The following EDA variants were observed in gnomAD, a reference collection of about 807,000 sequenced individuals.
EDA encodes the protein ectodysplasin-A.
Under a neutral mutation model 23.6 loss-of-function variants are expected in EDA, and 2 were observed. The ratio of observed to expected loss-of-function variants is 0.08; its 90% CI spans 0.03 to 0.27. The LOEUF (loss-of-function observed/expected upper bound fraction) is 0.27. EDA is among the 10% of genes least tolerant of loss of function. The pLI is 1.00. For synonymous variants in EDA, 131 were observed against 132.0 expected (o/e 0.99, Z 0.05); for missense variants, 229 against 324.2 (o/e 0.71, Z 2.26).
intron 1 of EDA, among the ~76,000 whole-genome samples, chrX:69,783,726 A>G (rs1395579598): frequency 9.0e-6 from 1 of 111,051 alleles, no homozygotes; most frequent in African/African-American, 3.3e-5. Flanking sequence ...TTTGTTTGCT[A>G]TTGTGAATAA....
intron 1 of EDA, among the ~76,000 whole-genome samples, chrX:69,829,641 A>G (rs1258136520): frequency 1.8e-5 from 2 of 112,087 alleles, no homozygotes; most frequent in Non-Finnish European, 3.8e-5. Context: ...TGATAGGATC[A>G]GAAATGGAAT....
intron 1 of EDA, among the ~76,000 whole-genome samples, chrX:69,799,454 AATCTGACAATG>A (rs1569336533): frequency 2.7e-5 from 3 of 111,013 alleles, no homozygotes; most frequent in Admixed American, 1.9e-4. Context: ...ATCCATTGTC[AATCTGACAATG>A]GATTAATAAC....
intron 1 of EDA, among the ~76,000 whole-genome samples, chrX:69,771,425 G>C (rs760616926): frequency 4.5e-5 from 5 of 111,241 alleles, no homozygotes; most frequent in African/African-American, 1.3e-4. Context: ...AAACAAACTA[G>C]ATGCAAAAGG....
intron 1 of EDA, among the ~76,000 whole-genome samples, chrX:69,663,157 G>A (rs1933566327): frequency 1.8e-5 from 2 of 112,166 alleles, no homozygotes; most frequent in African/African-American, 6.5e-5. Context: ...TAAGTAATGA[G>A]GAGCCAAATG....
intron 1 of EDA, among the ~76,000 whole-genome samples, chrX:69,794,117 G>T (rs1470899761): frequency 9.0e-6 from 1 of 111,150 alleles, no homozygotes; most frequent in East Asian, 2.8e-4. Flanking sequence ...AGAAGAGAGG[G>T]AGGTGACTAA....
At chrX:69,769,801 T>G (rs919009764) in intron 1 of EDA, among the ~76,000 whole-genome samples, 1 of 111,231 alleles carries the variant, frequency 9.0e-6, no homozygotes, top group African/African-American at 3.3e-5. Context: ...GATGTCATTT[T>G]ATTTTTTCCT....
chrX:69,852,629 G>A (rs2017161345), intron 1 of EDA, among the ~76,000 whole-genome samples: 2 of 111,398 alleles, frequency 1.8e-5, no homozygotes, highest in Admixed American at 1.9e-4. Flanking sequence ...AGAAAGGTGG[G>A]AGGTCAGATT....
At chrX:69,966,974 GTA>G (rs944298975) in intron 2 of EDA, among the ~76,000 whole-genome samples, 26 of 106,227 alleles carry the variant, frequency 2.4e-4, no homozygotes, top group African/African-American at 2.0e-4. Flanking sequence ...GTGTGTGTGT[GTA>G]TATATATATA....
intron 1 of EDA, among the ~76,000 whole-genome samples, chrX:69,916,559 C>A (rs867862337): frequency 9.2e-6 from 1 of 108,781 alleles, no homozygotes; most frequent in Non-Finnish European, 1.9e-5. Context: ...CCCGCCACCA[C>A]GCCCGGCTAA....
rs924692287 is a variant in EDA at position 70,020,376 on chromosome X, T to C, written c.503-2842T>C. ...ATAGAGACCATCCTGGCTAACACAGTGAAACCCCATCTCTACTAAAAAAAT... is the reference window on the plus strand; with the variant it reads ...ATAGAGACCATCCTGGCTAACACAGCGAAACCCCATCTCTACTAAAAAAAT... On this transcript the variant is annotated intron_variant, in intron 2 of 7. Coordinates refer to ENST00000374552, the MANE Select transcript of EDA (RefSeq NM_001399.5). 3.6e-5 allele frequency among the ~76,000 whole-genome samples: 4 copies of C among 110,882 alleles called. No individual in the cohort carries two copies. The Admixed American group carries it at 3.8e-4, about 11-fold the overall frequency.
intron 1 of EDA, among the ~76,000 whole-genome samples, chrX:69,786,265 A>T (rs2015169103): frequency 1.8e-5 from 2 of 110,570 alleles, no homozygotes; most frequent in South Asian, 3.9e-4. Flanking sequence ...TAAGTTTTTG[A>T]AGGGTTTTTT....
At chrX:69,855,753 C>T (rs190302535) in intron 1 of EDA, among the ~76,000 whole-genome samples, 1 of 111,682 alleles carries the variant, frequency 9.0e-6, no homozygotes, top group Non-Finnish European at 1.9e-5. Context: ...TAGCATGTTA[C>T]CTGCAGCTTT....
In EDA at chrX:69,786,205, C is replaced by T. The variant is rs762442725; in HGVS notation, c.396+169501C>T. Among the ~76,000 whole-genome samples the T allele has an allele frequency of 9.7e-4, 108 of 111,049 alleles. 1 individual carries two copies. Among genetic ancestry groups the T allele is most frequent in the African/African-American group, 3.0e-3 (93 of 30,535 alleles). ...TTTTTTTCTTTATTAGTCTTGCTAGCGGTCTATCAATTTTGTTGATCCTTT... is the reference window on the plus strand; with the variant it reads ...TTTTTTTCTTTATTAGTCTTGCTAGTGGTCTATCAATTTTGTTGATCCTTT... On this transcript the variant is annotated intron_variant, in intron 1 of 7. Transcript: ENST00000374552.
intron 1 of EDA, among the ~76,000 whole-genome samples, chrX:69,878,488 A>G (rs934817808): frequency 8.9e-6 from 1 of 112,361 alleles, no homozygotes; most frequent in Admixed American, 9.4e-5. Context: ...CTCATCCGCT[A>G]AAACACAATT....
At chrX:69,689,984 TTA>T (rs1382242877) in intron 1 of EDA, among the ~76,000 whole-genome samples, 2 of 111,828 alleles carry the variant, frequency 1.8e-5, no homozygotes, top group African/African-American at 3.2e-5. Context: ...AAAAATAGAA[TTA>T]GAGCTAATTT....
chrX:69,718,821 G>A (rs932900788), intron 1 of EDA, among the ~76,000 whole-genome samples: 2 of 111,511 alleles, frequency 1.8e-5, no homozygotes, highest in African/African-American at 6.5e-5. Context: ...TATAAAATGA[G>A]TTAGGAAGTA....
At chrX:69,682,682 G>A (rs766904951) in intron 1 of EDA, among the ~76,000 whole-genome samples, 2 of 111,394 alleles carry the variant, frequency 1.8e-5, no homozygotes, top group South Asian at 3.8e-4. Flanking sequence ...GCTTCGGCTC[G>A]CACACGGTTC....
chrX:69,832,750 T>C (rs1442233054), intron 1 of EDA, among the ~76,000 whole-genome samples: 1 of 111,541 alleles, frequency 9.0e-6, no homozygotes, highest in Non-Finnish European at 1.9e-5. Flanking sequence ...GAAGAGGTCC[T>C]TCACATCCCT....
chrX:69,935,324 A>T (rs922687514), intron 1 of EDA, among the ~76,000 whole-genome samples: 1 of 111,195 alleles, frequency 9.0e-6, no homozygotes, highest in Non-Finnish European at 1.9e-5. Context: ...GGATTGCTGG[A>T]TCATATATGG....
Sources: gnomAD v4.1 joint callset for allele counts (sites outside exome capture counted in the v4.1 genomes callset) on GRCh38, gnomAD v4.1.1 for gene constraint, MANE v1.5 for transcripts, NCBI Gene and HGNC (gene_info 2026-07-23, HGNC 2026-07-21) for gene names.